CFAP299: variants seen among roughly 807,000 people sequenced by gnomAD.
The protein encoded by CFAP299 is cilia- and flagella-associated protein 299.
A neutral mutation model predicts 27.0 loss-of-function variants in CFAP299; 21 were observed. The ratio of observed to expected loss-of-function variants is 0.78; its 90% CI spans 0.55 to 1.12. The LOEUF is 1.12. Among genes scored for constraint, CFAP299 ranks in the 50% most tolerant of loss-of-function variants. The pLI is 0.00. For missense variants in CFAP299, 310 were observed against 276.6 expected, an observed-to-expected ratio of 1.12 and a Z score of -0.86; for synonymous variants, 104 against 98.1, an observed-to-expected ratio of 1.06 and a Z score of -0.36.
intron 4 of CFAP299, among the ~76,000 whole-genome samples, chr4:80,886,727 AAAT>A (rs1227957708): frequency 6.6e-6 from 1 of 152,160 alleles, no homozygotes; most frequent in East Asian, 1.9e-4. Flanking sequence ...TCACCAGTAT[AAAT>A]AAGGCATCAG....
At chr4:80,400,784 T>C (rs1238773718) in intron 2 of CFAP299, among the ~76,000 whole-genome samples, 1 of 151,992 alleles carries the variant, frequency 6.6e-6, no homozygotes, top group Non-Finnish European at 1.5e-5. Flanking sequence ...CAGGCAGAGG[T>C]TGGAACAGTT....
chr4:80,895,564 T>C (rs1170896500), intron 4 of CFAP299, among the ~76,000 whole-genome samples: 2 of 152,016 alleles, frequency 1.3e-5, no homozygotes, highest in African/African-American at 4.8e-5. Flanking sequence ...AAAATATATA[T>C]ATAATTTGAA....
intron 3 of CFAP299, among the ~76,000 whole-genome samples, chr4:80,710,402 G>T (rs1376991796): frequency 1.3e-5 from 2 of 151,250 alleles, no homozygotes; most frequent in Non-Finnish European, 2.9e-5. Flanking sequence ...AGGGAGATTT[G>T]GTTTCAACTC....
chr4:80,778,273 T>G (rs1375008206), intron 3 of CFAP299, among the ~76,000 whole-genome samples: 2 of 152,176 alleles, frequency 1.3e-5, no homozygotes, highest in Non-Finnish European at 2.9e-5. Flanking sequence ...CAGAATATGC[T>G]TGTTATACCA....
At chr4:80,807,562 C>T (rs1728926497) in intron 3 of CFAP299, among the ~76,000 whole-genome samples, 2 of 151,976 alleles carry the variant, frequency 1.3e-5, no homozygotes, top group South Asian at 2.1e-4. Context: ...TAAATATACT[C>T]GGTAGAAAAA....
At chr4:80,463,786 T>G (rs1384416300) in intron 2 of CFAP299, among the ~76,000 whole-genome samples, 1 of 152,124 alleles carries the variant, frequency 6.6e-6, no homozygotes, top group East Asian at 1.9e-4. Flanking sequence ...CTATGAATTT[T>G]GGGGCCCACA....
chr4:80,864,428 AGG>A lies in CFAP299; in HGVS notation c.334-5564_334-5563del, dbSNP rs879576970. On this transcript the variant is annotated intron_variant, in intron 3 of 5. Transcript: ENST00000358105. ...TATGTGTGTGTATGTGTATATATAT[AGG>A]TATATATATATATATATACCTATAT... Among the ~76,000 whole-genome samples the A allele has an allele frequency of 1.9e-3, 267 of 140,430 alleles. 1 individual carries two copies. The highest frequency in any genetic ancestry group is 7.3e-3 in the Middle Eastern group (2 of 274). The allele number at this position is 140,430 out of a possible 152,430, so 92.1% of individuals were successfully genotyped here. A position where few individuals can be genotyped will look rare whatever the true frequency, so the allele number is the denominator to read the frequency against.
intron 2 of CFAP299, among the ~76,000 whole-genome samples, chr4:80,512,760 G>A (rs932488184): frequency 6.6e-6 from 1 of 151,862 alleles, no homozygotes; most frequent in Admixed American, 6.6e-5. Context: ...TAATATTGAG[G>A]AAAACAATGC....
chr4:80,707,195 G>A (rs776960066), intron 3 of CFAP299, among the ~76,000 whole-genome samples: 4 of 151,896 alleles, frequency 2.6e-5, no homozygotes, highest in African/African-American at 9.7e-5. Context: ...TAGAACAGGG[G>A]CTGGAATATT....
chr4:80,646,982 A>AGTGT (rs1287814932), intron 3 of CFAP299, among the ~76,000 whole-genome samples: 105 of 65,956 alleles, frequency 1.6e-3, no homozygotes, highest in Non-Finnish European at 4.0e-3. Context: ...AGAGAGAGAG[A>AGTGT]GAGAGAGTGT....
intron 3 of CFAP299, among the ~76,000 whole-genome samples, chr4:80,733,682 T>G (rs372033703): frequency 6.6e-6 from 1 of 152,084 alleles, no homozygotes; most frequent in African/African-American, 2.4e-5. Flanking sequence ...ATTCTTTTGA[T>G]TTTTGGATCC....
intron 3 of CFAP299, among the ~76,000 whole-genome samples, chr4:80,681,427 C>CAA (rs34709357): frequency 4.9e-4 from 71 of 143,648 alleles, no homozygotes; most frequent in South Asian, 2.6e-3. Context: ...GTGCCAGAGG[C>CAA]AAAAAAAAAA....
chr4:80,674,330 A>G (rs1016259025), intron 3 of CFAP299, among the ~76,000 whole-genome samples: 5 of 152,034 alleles, frequency 3.3e-5, no homozygotes, highest in East Asian at 1.9e-4. Context: ...TCTTTTCTTT[A>G]ATAATGTTGA....
intron 3 of CFAP299, among the ~76,000 whole-genome samples, chr4:80,671,979 A>T (rs920300009): frequency 8.5e-5 from 13 of 152,112 alleles, no homozygotes; most frequent in Admixed American, 3.9e-4. Context: ...TCTTTTCCTA[A>T]TTGAGTACCC....
chr4:80,924,056 T>C (rs2110212965), intron 4 of CFAP299, among the ~76,000 whole-genome samples: 1 of 152,036 alleles, frequency 6.6e-6, no homozygotes. Context: ...CATTTGTGAA[T>C]AACAGTTGAT....
rs147693565 is a variant in CFAP299, at chr4:80,826,048, T to C, written c.334-43945T>C. Among the ~76,000 whole-genome samples, 1,400 of 151,976 alleles carry C rather than the reference T, an allele frequency of 9.2e-3. 18 individuals carry two copies. The highest frequency in any genetic ancestry group is 0.059 in the South Asian group (285 of 4,826). On this transcript the variant is annotated intron_variant, in intron 3 of 5. Coordinates refer to ENST00000358105, the MANE Select transcript of CFAP299 (RefSeq NM_152770.3). ...ATTAGTTTATATTTTTGAGCAGACA[T>C]GTATAAAGGTGTAATGTTGTGATAA... is the stretch of plus-strand genomic sequence containing the variant.
chr4:80,501,519 A>G (rs1731741623), intron 2 of CFAP299, among the ~76,000 whole-genome samples: 1 of 147,838 alleles, frequency 6.8e-6, no homozygotes, highest in South Asian at 2.1e-4. Context: ...TGTACATATA[A>G]ATATATAAAT....
intron 3 of CFAP299, among the ~76,000 whole-genome samples, chr4:80,858,924 G>A (rs1234474029): frequency 1.3e-5 from 2 of 152,082 alleles, no homozygotes; most frequent in Admixed American, 6.6e-5. Flanking sequence ...TGTCTATTAG[G>A]TCCGCTTGGT....
chr4:80,714,898 T>C (rs1722389727), intron 3 of CFAP299, among the ~76,000 whole-genome samples: 1 of 152,100 alleles, frequency 6.6e-6, no homozygotes. Flanking sequence ...ACATTGACTA[T>C]TTTGTATGTT....
Sources: allele counts gnomAD v4.1 joint callset (sites outside exome capture counted in the v4.1 genomes callset), GRCh38; gene constraint gnomAD v4.1.1; transcripts MANE v1.5; gene names NCBI Gene and HGNC (gene_info 2026-07-23, HGNC 2026-07-21).